DOCK2: variants seen among roughly 807,000 people sequenced by gnomAD.
DOCK2 encodes dedicator of cytokinesis 2.
In DOCK2, 87 loss-of-function variants were observed where a neutral mutation model predicts 248.9. The observed-to-expected ratio is 0.35, with a 90% CI of 0.29 to 0.42. DOCK2 has a LOEUF of 0.42. Among genes scored for constraint, DOCK2 ranks in the 10% least tolerant of loss-of-function variants. The pLI, the probability that DOCK2 is intolerant of heterozygous loss-of-function variation, is 1.00. For missense variants in DOCK2, 1,747 were observed against 2,300.2 expected (o/e 0.76, Z 4.92); for synonymous variants, 805 against 821.6 (o/e 0.98, Z 0.35).
chr5:169,774,164 G>T (rs888602687), intron 25 of DOCK2, among the ~76,000 whole-genome samples: 1 of 152,050 alleles, frequency 6.6e-6, no homozygotes, highest in African/African-American at 2.4e-5. Flanking sequence ...TCCTGAAGAC[G>T]ACAATACAGT....
At chr5:169,911,603 T>C (rs1479745736) in intron 27 of DOCK2, among the ~76,000 whole-genome samples, 1 of 152,244 alleles carries the variant, frequency 6.6e-6, no homozygotes, top group African/African-American at 2.4e-5. Flanking sequence ...AGGCTTCATT[T>C]CACGTGGTGC....
At chr5:169,682,730 A>G (rs1266881816) in intron 7 of DOCK2, among the ~76,000 whole-genome samples, 1 of 152,210 alleles carries the variant, frequency 6.6e-6, no homozygotes, top group Admixed American at 6.5e-5. Flanking sequence ...TCGTAATAAT[A>G]TATTGTGTTG....
In DOCK2 at chr5:169,803,060, T is replaced by A; in HGVS notation, c.2557T>A (p.Cys853Ser). 1 of 1,614,142 alleles carries A rather than the reference T, an allele frequency of 6.2e-7. No homozygotes were observed. The highest frequency in any genetic ancestry group is 8.5e-7 in the Non-Finnish European group (1 of 1,180,002). Reference protein sequence around the residue: ...VQSNLFKKQECRDILLPVITK... With the variant: ...VQSNLFKKQESRDILLPVITK... ...ACTCTGAACTGTCTTTATTCCAGAA[T>A]GCCGGGACATTCTGCTTCCTGTCAT... The change falls in exon 26 of 52, where the codon TGC becomes AGC. Residue 853 changes from cysteine (C) to serine (S), a missense_variant and splice_region_variant. Cys to Ser is a moderately radical substitution (Grantham distance 112, BLOSUM62 -1). This residue lies in a region of DOCK2 where 858 missense variants were observed against 1,183.5 expected (regional missense o/e 0.72). Transcript: ENST00000520908.
At chr5:169,936,547 T>G (rs992582000) in intron 27 of DOCK2, among the ~76,000 whole-genome samples, 2 of 151,418 alleles carry the variant, frequency 1.3e-5, no homozygotes, top group Non-Finnish European at 2.9e-5. Context: ...GATGGGCATG[T>G]TGGGGAGAAT....
Position 169,717,390 on chromosome 5 carries a change from A to T in DOCK2, c.2038A>T (p.Ile680Leu). 1 of 1,613,766 alleles carries T rather than the reference A, an allele frequency of 6.2e-7. No homozygotes were observed. The highest frequency in any genetic ancestry group is 1.3e-5 in the African/African-American group (1 of 75,034). Residue 680 changes from isoleucine (I) to leucine (L), a missense_variant, in exon 21 of 52, where the codon ATA (isoleucine) becomes TTA (leucine). By Grantham distance (5) the Ile-to-Leu change is conservative (BLOSUM62 2). Transcript: ENST00000520908. ...DILVFDALIYIIGLIADRKFQ... is the reference protein window; with the variant it reads ...DILVFDALIYLIGLIADRKFQ... Reference sequence around the variant, plus strand: ...TGCCTTGCATCTTCCTCAGATTTACATAATAGGACTCATTGCAGACCGGAA... The same window carrying T: ...TGCCTTGCATCTTCCTCAGATTTACTTAATAGGACTCATTGCAGACCGGAA...
intron 27 of DOCK2, among the ~76,000 whole-genome samples, chr5:169,898,595 A>T (rs1050668370): frequency 6.6e-6 from 1 of 152,170 alleles, no homozygotes; most frequent in East Asian, 1.9e-4. Flanking sequence ...TCAATGAAAG[A>T]ATGACAGTTA....
At chr5:170,015,654 T>C (rs946144935) in intron 32 of DOCK2, among the ~76,000 whole-genome samples, 1 of 151,844 alleles carries the variant, frequency 6.6e-6, no homozygotes, top group African/African-American at 2.4e-5. Flanking sequence ...ATCCAGGGAG[T>C]CGTAACTTGC....
chr5:170,063,320 C>T (rs1757393467), intron 44 of DOCK2, among the ~76,000 whole-genome samples: 1 of 152,160 alleles, frequency 6.6e-6, no homozygotes. Context: ...AACCTCTTAG[C>T]TCTGGGAACA....
intron 1 of DOCK2, among the ~76,000 whole-genome samples, chr5:169,651,558 T>C (rs1757805936): frequency 6.6e-6 from 1 of 152,144 alleles, no homozygotes; most frequent in African/African-American, 2.4e-5. Context: ...CTAACACACA[T>C]TGTGCCTGGT....
chr5:169,856,628 C>T (rs1052756788), intron 27 of DOCK2, among the ~76,000 whole-genome samples: 1 of 152,164 alleles, frequency 6.6e-6, no homozygotes, highest in Non-Finnish European at 1.5e-5. Flanking sequence ...AAAAAGCACA[C>T]CAAAGACAAT....
chr5:169,661,721 CT>C (rs1408737598), intron 2 of DOCK2, among the ~76,000 whole-genome samples: 1 of 152,138 alleles, frequency 6.6e-6, no homozygotes, highest in Non-Finnish European at 1.5e-5. Flanking sequence ...GCAATACTTT[CT>C]GTGTCTGTCA....
At chr5:170,000,604 G>T (rs1754798389) in intron 30 of DOCK2, 4 of 152,228 alleles carry the variant, frequency 2.6e-5, no homozygotes, top group Admixed American at 1.3e-4. Context: ...GAGATGATTG[G>T]CTGGAAGATG....
At chr5:170,050,155 T>C in intron 40 of DOCK2, 101 bp from the exon 41 acceptor site, 1 of 1,465,562 alleles carries the variant, frequency 6.8e-7, no homozygotes, top group Non-Finnish European at 9.3e-7. Flanking sequence ...GCACTGGACA[T>C]CCCCATGGAC....
chr5:169,718,867 A>G, intron 22 of DOCK2, 76 bp downstream of exon 22: 1 of 1,497,808 alleles, frequency 6.7e-7, no homozygotes, highest in Non-Finnish European at 9.0e-7. Context: ...TTACTGTAGG[A>G]GAAACTCGTT....
chr5:169,809,491 C>T (rs563553666), intron 26 of DOCK2, among the ~76,000 whole-genome samples: 8 of 152,328 alleles, frequency 5.3e-5, no homozygotes, highest in Non-Finnish European at 2.9e-5. Flanking sequence ...CCTTCTCCTC[C>T]GCTCTGCCCC....
rs774634849 is a variant in DOCK2, at chr5:169,689,163, T to C, written c.762-89T>C. 1.7e-4 allele frequency: 213 copies of C among 1,286,072 alleles called. 1 individual carries two copies. The highest frequency in any genetic ancestry group is 2.2e-4 in the Non-Finnish European group (197 of 889,456). The allele number at this position is 1,286,072 out of a possible 1,614,324, so 79.7% of individuals were successfully genotyped here. On this transcript the variant is annotated intron_variant, in intron 8 of 51. Transcript: ENST00000520908. Reference sequence around the variant, plus strand: ...ATACCCCCAGCAGCCAGTATGGTGTTGGGCACATAGTAGATGCTTGGTGAA... The same window carrying C: ...ATACCCCCAGCAGCCAGTATGGTGTCGGGCACATAGTAGATGCTTGGTGAA...
chr5:169,936,219 A>G (rs1336094180), intron 27 of DOCK2, among the ~76,000 whole-genome samples: 1 of 152,238 alleles, frequency 6.6e-6, no homozygotes, highest in Admixed American at 6.5e-5. Context: ...GGCATTTTTG[A>G]GGCCCAAGCG....
intron 44 of DOCK2, among the ~76,000 whole-genome samples, chr5:170,060,806 C>T (rs947330361): frequency 2.0e-5 from 3 of 151,920 alleles, no homozygotes; most frequent in Non-Finnish European, 2.9e-5. Context: ...CTGGGGTGGG[C>T]GGATCACAAG....
chr5:169,814,252 G>A (rs1356237322), intron 26 of DOCK2, among the ~76,000 whole-genome samples: 4 of 152,180 alleles, frequency 2.6e-5, no homozygotes, highest in East Asian at 1.9e-4. Flanking sequence ...CTCCTGACAC[G>A]ATGCACTGAG....
Sources: gnomAD v4.1 joint callset for allele counts (sites outside exome capture counted in the v4.1 genomes callset) on GRCh38, gnomAD v4.1.1 for gene constraint, gnomAD v4.1.1 regional missense constraint, MANE v1.5 for transcripts, NCBI Gene and HGNC (gene_info 2026-07-23, HGNC 2026-07-21) for gene names.